The following ZNF425 variants were observed in gnomAD, a reference collection of about 807,000 sequenced individuals.
ZNF425 encodes the protein zinc finger protein 425.
ZNF425 carries 21 observed loss-of-function variants against 17.0 expected under a neutral mutation model. The ratio of observed to expected loss-of-function variants is 1.23; its 90% CI spans 0.88 to 1.78. The LOEUF (loss-of-function observed/expected upper bound fraction) is 1.78. Ranked by LOEUF, ZNF425 falls within the 40% of genes most tolerant of loss-of-function variation. The pLI is 0.00. For missense variants in ZNF425, 868 were observed against 967.3 expected (o/e 0.90, Z 1.36); for synonymous variants, 433 against 384.1 (o/e 1.13, Z -1.49).
Position 149,104,926 on chromosome 7 carries a change from G to T in ZNF425, c.945C>A (p.Cys315Ter). 2 of 1,613,638 alleles carry T rather than the reference G, an allele frequency of 1.2e-6. No individual in the cohort carries two copies. Among genetic ancestry groups the T allele is most frequent in the African/African-American group, 2.7e-5 (2 of 75,054 alleles). Reference sequence around the variant, plus strand: ...GCAGCCGCAAGTGCTCCGTGAGCTCGCACTGCTGCACGAAGGCCCGGCCGC... The same window carrying T: ...GCAGCCGCAAGTGCTCCGTGAGCTCTCACTGCTGCACGAAGGCCCGGCCGC... ...GECGRAFVQQ[C>*]ELTEHLRLHS... is the part of the protein sequence containing the mutation. Residue 315 changes from cysteine to a stop codon, truncating the protein, a stop_gained, in exon 4 of 4, where the codon TGC (cysteine) becomes TGA (stop). Transcript: ENST00000378061. LOFTEE classifies it low-confidence loss of function (END_TRUNC). This position sits in a 1 kb window ranked among gnomAD's most constrained non-coding sequence, Gnocchi z 4.3.
intron 1 of ZNF425, among the ~76,000 whole-genome samples, chr7:149,121,833 T>C (rs1411082466): frequency 1.3e-5 from 2 of 151,488 alleles, no homozygotes; most frequent in African/African-American, 4.9e-5. Context: ...TCCTAATGAG[T>C]AATGATGTTA....
intron 2 of ZNF425, among the ~76,000 whole-genome samples, chr7:149,117,077 A>G (rs968899546): frequency 6.6e-6 from 1 of 152,002 alleles, no homozygotes; most frequent in Non-Finnish European, 1.5e-5. Flanking sequence ...CCTGGCCAAC[A>G]TGATGAAAAC....
At position 149,104,253 on chromosome 7, in the gene ZNF425, G is replaced by A; in HGVS notation, c.1618C>T (p.His540Tyr). 9 of 1,613,554 alleles carry A rather than the reference G, an allele frequency of 5.6e-6. No individual in the cohort carries two copies. Among genetic ancestry groups the A allele is most frequent in the Non-Finnish European group, 7.6e-6 (9 of 1,179,820 alleles). ...TGAAGCCTCGTGTGCTCTGTGAGAT[G>A]CGCGCGTCGGCGGAAACTGCGGCCG... ...ECGRSFRRRA[H>Y]LTEHTRLHSG... The change falls in exon 4 of 4, where the codon CAT becomes TAT. Residue 540 changes from histidine to tyrosine, a missense_variant. Around this residue, in one of 5 missense-constraint regions of ZNF425, gnomAD observed 437 missense variants for 444.2 expected, o/e 0.98. Coordinates refer to ENST00000378061, the MANE Select transcript of ZNF425 (RefSeq NM_001001661.3). This position sits in a 1 kb window ranked among gnomAD's most constrained non-coding sequence, Gnocchi z 4.3.
Position 149,105,054 on chromosome 7 carries a change from G to C in ZNF425, c.817C>G (p.Pro273Ala), listed in dbSNP as rs11773363. 1.2e-6 allele frequency: 2 copies of C among 1,614,244 alleles called. No individual in the cohort carries two copies. Among genetic ancestry groups the C allele is most frequent in the Admixed American group, 3.3e-5 (2 of 60,030 alleles). ...TTGTCGCACTCAGGGCATGGGTAGG[G>C]CCGCTGGCCGGTGTGGACAACCTGA... is the stretch of plus-strand genomic sequence containing the variant. ...THQVVHTGQR[P>A]YPCPECDKTF... Residue 273 changes from proline to alanine, a missense_variant, in exon 4 of 4, where the codon CCC (proline) becomes GCC (alanine). Physicochemically the swap from Pro to Ala is conservative, Grantham distance 27. This residue lies in a region of ZNF425 where 243 missense variants were observed against 265.2 expected (regional missense o/e 0.92). Coordinates refer to ENST00000378061, the MANE Select transcript of ZNF425 (RefSeq NM_001001661.3).
chr7:149,120,951 G>T (rs554464896), intron 1 of ZNF425, among the ~76,000 whole-genome samples: 1 of 151,928 alleles, frequency 6.6e-6, no homozygotes, highest in Non-Finnish European at 1.5e-5. Flanking sequence ...GATTTGGGGT[G>T]GGCATGTTTT....
chr7:149,111,590 T>TAAAAA (rs60783786), intron 3 of ZNF425, among the ~76,000 whole-genome samples: 11 of 54,388 alleles, frequency 2.0e-4, no homozygotes, highest in African/African-American at 3.3e-4. Context: ...AGACTCTGTC[T>TAAAAA]AAAAAAAAAA....
intron 1 of ZNF425, among the ~76,000 whole-genome samples, chr7:149,119,997 T>G (rs1366064846): frequency 6.6e-6 from 1 of 152,182 alleles, no homozygotes; most frequent in East Asian, 1.9e-4. Context: ...AACCAATCCC[T>G]TGCGGATACT....
chr7:149,124,257 G>C (rs1395018607), intron 1 of ZNF425, among the ~76,000 whole-genome samples: 1 of 151,024 alleles, frequency 6.6e-6, no homozygotes, highest in Non-Finnish European at 1.5e-5. Flanking sequence ...CCGGGTTCAC[G>C]CCGTTCTCCT....
chr7:149,126,055 G>A lies in ZNF425; in HGVS notation c.18+141C>T, dbSNP rs1826461373. The stretch of plus-strand genomic sequence containing the variant: ...GCAAGACTGCACCTTCTCCAGCCCA[G>A]CCCGGAGCTCAGTCCGTGGGCCACT... On this transcript the variant is annotated intron_variant, in intron 1 of 3. Coordinates refer to ENST00000378061, the MANE Select transcript of ZNF425 (RefSeq NM_001001661.3). 9 of 1,499,442 alleles carry A rather than the reference G, an allele frequency of 6.0e-6. No homozygotes were observed. In the South Asian group the frequency reaches 1.1e-4, roughly 18 times the overall value. The allele number at this position is 1,499,442 out of a possible 1,614,324, so 92.9% of individuals were successfully genotyped here. A position where few individuals can be genotyped will look rare whatever the true frequency, so the allele number is the denominator to read the frequency against.
Position 149,103,974 on chromosome 7 carries a change from T to C in ZNF425, c.1897A>G (p.Ser633Gly), listed in dbSNP as rs2129517650. The C allele has an allele frequency of 1.2e-6, 2 of 1,614,026 alleles. No homozygotes were observed. The highest frequency in any genetic ancestry group is 1.7e-6 in the Non-Finnish European group (2 of 1,179,876). The change falls in exon 4 of 4, where the codon AGT becomes GGT. Residue 633 changes from serine to glycine, a missense_variant. Physicochemically the swap from Ser to Gly is moderately conservative, Grantham distance 56. Around this residue, in one of 5 missense-constraint regions of ZNF425, gnomAD observed 437 missense variants for 444.2 expected, o/e 0.98. Transcript: ENST00000378061. ...ACACAAGAGAATGGCTTTTGGCCAC[T>C]GTGCTGCAGCAGGTGGCTTTTCAGG... ...GNLKSHLLQH[S>G]GQKPFSCVMC...
At chr7:149,121,923 TG>T (rs1164864932) in intron 1 of ZNF425, among the ~76,000 whole-genome samples, 3 of 47,526 alleles carry the variant, frequency 6.3e-5, no homozygotes, top group African/African-American at 5.4e-5. Flanking sequence ...CCGTTTTCTT[TG>T]TTTTTTTTTG....
In ZNF425 at chr7:149,104,907, G is replaced by C. The variant is rs1297033476; in HGVS notation, c.964C>G (p.Arg322Gly). The C allele has an allele frequency of 3.1e-6, 5 of 1,613,340 alleles. No homozygotes were observed. In the South Asian group the frequency reaches 3.3e-5, roughly 11 times the overall value. ...VQQCELTEHL[R>G]LHSGEKPFQC... is the part of the protein sequence containing the mutation. Reference sequence around the variant, plus strand: ...AAGGGCTTCTCTCCGCTGTGCAGCCGCAAGTGCTCCGTGAGCTCGCACTGC... The same window carrying C: ...AAGGGCTTCTCTCCGCTGTGCAGCCCCAAGTGCTCCGTGAGCTCGCACTGC... The change falls in exon 4 of 4, where the codon CGG becomes GGG. Residue 322 changes from arginine to glycine, a missense_variant. By Grantham distance (125) the Arg-to-Gly change is moderately radical. This residue lies in a region of ZNF425 where 243 missense variants were observed against 265.2 expected (regional missense o/e 0.92). Transcript: ENST00000378061. This position sits in a 1 kb window ranked among gnomAD's most constrained non-coding sequence, Gnocchi z 4.3.
intron 2 of ZNF425, among the ~76,000 whole-genome samples, chr7:149,114,051 T>A (rs1402166930): frequency 6.7e-6 from 1 of 149,322 alleles, no homozygotes; most frequent in Non-Finnish European, 1.5e-5. Context: ...AGTTTAAATA[T>A]CCTCTGCAAT....
At chr7:149,109,151 C>T (rs1334648481) in intron 3 of ZNF425, among the ~76,000 whole-genome samples, 3 of 149,848 alleles carry the variant, frequency 2.0e-5, no homozygotes, top group Non-Finnish European at 4.4e-5. Flanking sequence ...GATCTTGGCT[C>T]ACTGCAACCT....
chr7:149,111,042 G>A (rs984694989), intron 3 of ZNF425, among the ~76,000 whole-genome samples: 22 of 151,598 alleles, frequency 1.5e-4, no homozygotes, highest in African/African-American at 3.9e-4. Context: ...TGATCCACCC[G>A]CCTTGACCTA....
At chr7:149,124,056 C>T (rs1211660857) in intron 1 of ZNF425, among the ~76,000 whole-genome samples, 1 of 149,682 alleles carries the variant, frequency 6.7e-6, no homozygotes, top group Non-Finnish European at 1.5e-5. Context: ...ACCGTGTTAG[C>T]CAGGATGGTC....
At chr7:149,125,740 A>T in intron 1 of ZNF425, 1 of 225,842 alleles carries the variant, frequency 4.4e-6, no homozygotes, top group Non-Finnish European at 8.8e-6. Context: ...GGCTATTCAC[A>T]GGCGCGATCC....
At chr7:149,115,552 T>C (rs1296057490) in intron 2 of ZNF425, among the ~76,000 whole-genome samples, 1 of 151,518 alleles carries the variant, frequency 6.6e-6, no homozygotes, top group African/African-American at 2.4e-5. Context: ...TAGCCAGGTG[T>C]GGTGGCGCAC....
chr7:149,112,074 A>C, intron 3 of ZNF425, 63 bp downstream of exon 3: 1 of 1,525,138 alleles, frequency 6.6e-7, no homozygotes, highest in South Asian at 1.2e-5. Context: ...TCCAAAAAGA[A>C]AGATTCAGGA....
Sources: allele counts gnomAD v4.1 joint callset (sites outside exome capture counted in the v4.1 genomes callset), GRCh38; gene constraint gnomAD v4.1.1; regional missense constraint gnomAD v4.1.1; non-coding constraint Gnocchi (gnomAD v3.1); transcripts MANE v1.5; gene names NCBI Gene and HGNC (gene_info 2026-07-23, HGNC 2026-07-21).